NFIA: variants seen among roughly 807,000 people sequenced by gnomAD.
The protein encoded by NFIA is nuclear factor 1 A-type.
A neutral mutation model predicts 62.8 loss-of-function variants in NFIA; 8 were observed. The ratio of observed to expected loss-of-function variants is 0.13; its 90% CI spans 0.07 to 0.23. The LOEUF (loss-of-function observed/expected upper bound fraction) is 0.23, where lower values mean the gene tolerates loss of function less well. NFIA is among the 10% of genes least tolerant of loss of function. The pLI is 1.00. For synonymous variants in NFIA, 235 were observed against 238.1 expected (o/e 0.99, Z 0.12); for missense variants, 410 against 642.1 (o/e 0.64, Z 3.91).
intron 2 of NFIA, among the ~76,000 whole-genome samples, chr1:61,091,106 C>T (rs1646312107): frequency 6.6e-6 from 1 of 152,208 alleles, no homozygotes. Flanking sequence ...CATGCCAAAA[C>T]CATTGTGGCC....
At chr1:61,283,495 T>A (rs191890091) in intron 3 of NFIA, among the ~76,000 whole-genome samples, 3 of 139,892 alleles carry the variant, frequency 2.1e-5, no homozygotes, top group African/African-American at 8.0e-5. Flanking sequence ...GGCAGGAGAA[T>A]CGTATGAACC....
intron 2 of NFIA, among the ~76,000 whole-genome samples, chr1:61,103,921 A>G (rs1646553137): frequency 6.6e-6 from 1 of 152,142 alleles, no homozygotes; most frequent in Non-Finnish European, 1.5e-5. Flanking sequence ...TGATGATGCT[A>G]AACCATTTAG....
intron 2 of NFIA, among the ~76,000 whole-genome samples, chr1:61,098,554 T>C (rs1646457018): frequency 6.6e-6 from 1 of 152,252 alleles, no homozygotes; most frequent in Non-Finnish European, 1.5e-5. Context: ...TTTGTAACGA[T>C]GCTGTTCAAC....
chr1:61,089,337 A>G (rs938227343), intron 2 of NFIA, among the ~76,000 whole-genome samples: 4 of 152,202 alleles, frequency 2.6e-5, no homozygotes, highest in African/African-American at 7.2e-5. Context: ...AAAAATTGCT[A>G]TTGATAATTG....
At chr1:61,341,219 G>A (rs1471306253) in intron 4 of NFIA, among the ~76,000 whole-genome samples, 1 of 151,200 alleles carries the variant, frequency 6.6e-6, no homozygotes, top group Non-Finnish European at 1.5e-5. Flanking sequence ...GTCCACCACC[G>A]CGCCCGGCTA....
At chr1:61,189,388 T>G (rs1245507226) in intron 2 of NFIA, among the ~76,000 whole-genome samples, 2 of 152,118 alleles carry the variant, frequency 1.3e-5, no homozygotes, top group African/African-American at 2.4e-5. Context: ...AGTCATTGGC[T>G]GGGTGCAGTG....
intron 2 of NFIA, among the ~76,000 whole-genome samples, chr1:61,109,257 T>G (rs1408669533): frequency 6.6e-6 from 1 of 151,822 alleles, no homozygotes; most frequent in Non-Finnish European, 1.5e-5. Flanking sequence ...GCTTTAGTGT[T>G]TTGTTTAAGT....
chr1:61,167,701 CTGT>C (rs574022797), intron 2 of NFIA, among the ~76,000 whole-genome samples: 1 of 152,048 alleles, frequency 6.6e-6, no homozygotes, highest in Non-Finnish European at 1.5e-5. Context: ...ACTATTAATC[CTGT>C]TGTTATTTGT....
chr1:61,163,916 T>C (rs1252806201), intron 2 of NFIA, among the ~76,000 whole-genome samples: 1 of 152,132 alleles, frequency 6.6e-6, no homozygotes, highest in Non-Finnish European at 1.5e-5. Flanking sequence ...CTCTAGCCAA[T>C]TGGTGCTGTG....
At chr1:61,123,452 A>G (rs1458217560) in intron 2 of NFIA, among the ~76,000 whole-genome samples, 1 of 152,232 alleles carries the variant, frequency 6.6e-6, no homozygotes, top group Non-Finnish European at 1.5e-5. Context: ...AAGAATTTCA[A>G]GTTTGCTCAT....
chr1:61,275,504 A>G (rs188825404), intron 2 of NFIA, among the ~76,000 whole-genome samples: 4 of 152,254 alleles, frequency 2.6e-5, no homozygotes, highest in African/African-American at 2.4e-5. Flanking sequence ...ACTATTTTCC[A>G]TTTATTCATA....
chr1:61,353,602 C>T (rs1662669509), intron 5 of NFIA, among the ~76,000 whole-genome samples: 1 of 152,190 alleles, frequency 6.6e-6, no homozygotes, highest in Non-Finnish European at 1.5e-5. Context: ...TGATTTAAAA[C>T]AATGCCCAAA....
chr1:61,242,117 A>C lies in NFIA; in HGVS notation c.560-35403A>C, dbSNP rs572717768. ...TTCTGGCAGTTGTGGTACTTAGCAG[A>C]TTGAAATAAAATCATAAGGGTGAAT... On this transcript the variant is annotated intron_variant, in intron 2 of 10. Transcript: ENST00000403491. Among the ~76,000 whole-genome samples the C allele has an allele frequency of 3.3e-5, 5 of 152,302 alleles. No homozygotes were observed. In the East Asian group the frequency reaches 5.8e-4, roughly 18 times the overall value.
intron 2 of NFIA, among the ~76,000 whole-genome samples, chr1:61,105,059 G>A (rs966506774): frequency 2.6e-5 from 4 of 151,916 alleles, no homozygotes; most frequent in African/African-American, 7.2e-5. Flanking sequence ...GGATTTTCCC[G>A]CTGCGCTTCC....
At chr1:61,260,497 G>A (rs890227018) in intron 2 of NFIA, among the ~76,000 whole-genome samples, 1 of 152,206 alleles carries the variant, frequency 6.6e-6, no homozygotes, top group Non-Finnish European at 1.5e-5. Flanking sequence ...AGTAGTGCTT[G>A]GCACATAGTA....
At chr1:61,224,899 G>A (rs1369453530) in intron 2 of NFIA, among the ~76,000 whole-genome samples, 1 of 152,110 alleles carries the variant, frequency 6.6e-6, no homozygotes, top group African/African-American at 2.4e-5. Context: ...ATGCTGCAAA[G>A]GTCATTTCAT....
chr1:61,201,547 A>G (rs1652495806), intron 2 of NFIA, among the ~76,000 whole-genome samples: 2 of 152,008 alleles, frequency 1.3e-5, no homozygotes, highest in South Asian at 4.2e-4. Context: ...AAAGGAAATA[A>G]GGGAAGGAGG....
intron 4 of NFIA, among the ~76,000 whole-genome samples, chr1:61,345,574 G>A (rs532221974): frequency 2.6e-5 from 4 of 152,334 alleles, no homozygotes; most frequent in African/African-American, 9.6e-5. Flanking sequence ...CTGCACAGCA[G>A]GAGGGGAGTG....
chr1:61,126,474 A>ACACACACT (rs1339928745), intron 2 of NFIA, among the ~76,000 whole-genome samples: 2 of 143,070 alleles, frequency 1.4e-5, no homozygotes, highest in African/African-American at 5.3e-5. Flanking sequence ...ACACACACAC[A>ACACACACT]CTCACAGAAA....
Sources: gnomAD v4.1 joint callset for allele counts (sites outside exome capture counted in the v4.1 genomes callset) on GRCh38, gnomAD v4.1.1 for gene constraint, MANE v1.5 for transcripts, NCBI Gene and HGNC (gene_info 2026-07-23, HGNC 2026-07-21) for gene names.